The following GPR17 variants were observed in gnomAD, a reference collection of about 807,000 sequenced individuals.
GPR17 encodes G protein-coupled receptor 17.
In GPR17, 4 loss-of-function variants were observed where a neutral mutation model predicts 1.5. The observed-to-expected ratio is 2.73, with a 90% CI of 1.35 to 6.25. The LOEUF (loss-of-function observed/expected upper bound fraction) is 6.25, where lower values mean the gene tolerates loss of function less well. GPR17 is among the 30% of genes most tolerant of loss of function. The pLI is 0.00. For missense variants in GPR17, 463 were observed against 462.1 expected, an observed-to-expected ratio of 1.00 and a Z score of -0.02; for synonymous variants, 209 against 207.6, an observed-to-expected ratio of 1.01 and a Z score of -0.06.
chr2:127,650,037 G>C (rs1405423510), intron 1 of GPR17: 4 of 1,608,960 alleles, frequency 2.5e-6, no homozygotes, highest in Non-Finnish European at 3.4e-6. Context: ...TGGTGGGCTG[G>C]ATCCAGAAAG....
At chr2:127,648,571 G>A (rs375983704) in intron 1 of GPR17, among the ~76,000 whole-genome samples, 8 of 152,228 alleles carry the variant, frequency 5.3e-5, no homozygotes, top group East Asian at 1.9e-4. Context: ...TCTCTGCCCC[G>A]TGCCACCAGC....
chr2:127,647,595 C>T lies in GPR17; in HGVS notation c.-21+1351C>T, dbSNP rs1348133448. Among the ~76,000 whole-genome samples, 2 of 152,086 alleles carry T rather than the reference C, an allele frequency of 1.3e-5. No individual in the cohort carries two copies. The highest frequency in any genetic ancestry group is 6.5e-5 in the Admixed American group (1 of 15,280). On this transcript the variant is annotated intron_variant, in intron 1 of 1. Coordinates refer to ENST00000486700, the MANE Select transcript of GPR17 (RefSeq NM_001161417.2). The surrounding 1 kb of genome is among the most constrained non-coding windows in gnomAD (Gnocchi z 4.3). The stretch of plus-strand genomic sequence containing the variant: ...GAGGGACAGCCTGGGGTGGAGGGCA[C>T]CCACCTTGGCCCCTTCCCACCCCCA...
Position 127,650,499 on chromosome 2 carries a change from C to T in GPR17, c.-20-217C>T. On this transcript the variant is annotated intron_variant, in intron 1 of 1. Coordinates refer to ENST00000486700, the MANE Select transcript of GPR17 (RefSeq NM_001161417.2). ...AGCTGCATAGCGGCGAAATTCCAAG[C>T]CCTGGTTCTGCGTTTGCCTTGTGCT... 4 of 572,906 alleles carry T rather than the reference C, an allele frequency of 7.0e-6. No individual in the cohort carries two copies. The South Asian group carries it at 9.3e-5, about 13-fold the overall frequency. The allele number at this position is 572,906 out of a possible 1,614,324, so 35.5% of individuals were successfully genotyped here.
In GPR17 at chr2:127,651,759, G is replaced by T. The variant is rs745413707; in HGVS notation, c.*4G>T. 6.2e-7 allele frequency: 1 copy of T among 1,610,178 alleles called. No homozygotes were observed. The highest frequency in any genetic ancestry group is 8.5e-7 in the Non-Finnish European group (1 of 1,177,962). On this transcript the variant is annotated 3_prime_UTR_variant, in exon 2 of 2. Transcript: ENST00000486700. ...GAGTGCCAAGTCAGAGCTGTGAGCG[G>T]GGGGCGCCGTCCAGGCCGAGCGCAG... is the stretch of plus-strand genomic sequence containing the variant.
Position 127,650,762 on chromosome 2 carries a change from A to T in GPR17, c.27A>T (p.Pro9=). MNGLEVAP[P]GLITNFSLAT... Reference sequence around the variant, plus strand: ...TGAATGGCCTTGAAGTGGCTCCCCCAGGTCTGATCACCAACTTCTCCCTGG... The same window carrying T: ...TGAATGGCCTTGAAGTGGCTCCCCCTGGTCTGATCACCAACTTCTCCCTGG... Residue 9 remains proline (P), a synonymous_variant, in exon 2 of 2, where the codon CCA becomes CCT. Transcript: ENST00000486700. 1 of 1,613,632 alleles carries T rather than the reference A, an allele frequency of 6.2e-7. No individual in the cohort carries two copies.
At chr2:127,649,885 G>A (rs529443239) in intron 1 of GPR17, 2 of 759,352 alleles carry the variant, frequency 2.6e-6, no homozygotes, top group Admixed American at 2.5e-5. Flanking sequence ...GGGTAAAATG[G>A]GTCTTCCCCT....
In GPR17 at chr2:127,651,802, A is replaced by G. The variant is rs143265344; in HGVS notation, c.*47A>G. 752 of 1,553,572 alleles carry G rather than the reference A, an allele frequency of 4.8e-4. 5 individuals are homozygous for G. The African/African-American group carries it at 7.1e-3, about 15-fold the overall frequency. Reference sequence around the variant, plus strand: ...GAGCGCAGACTGTTTAGGACTCAGCAGACCCAGCAAGAGGCATCTGCCCTT... The same window carrying G: ...GAGCGCAGACTGTTTAGGACTCAGCGGACCCAGCAAGAGGCATCTGCCCTT... On this transcript the variant is annotated 3_prime_UTR_variant, in exon 2 of 2. Transcript: ENST00000486700.
chr2:127,650,170 A>AG, intron 1 of GPR17: 3 of 1,190,206 alleles, frequency 2.5e-6, no homozygotes, highest in Non-Finnish European at 3.6e-6. Context: ...AGCCATGGTC[A>AG]GGGGAAGCAG....
chr2:127,648,439 A>G (rs1447715308), intron 1 of GPR17, among the ~76,000 whole-genome samples: 1 of 152,106 alleles, frequency 6.6e-6, no homozygotes, highest in Admixed American at 6.5e-5. Flanking sequence ...CTCCTGAAGG[A>G]AGGGTGCGGC....
rs1683820292 is a variant in GPR17 at position 127,651,726 on chromosome 2, A to G, written c.991A>G (p.Ser331Gly). 6.2e-7 allele frequency: 1 copy of G among 1,612,716 alleles called. No homozygotes were observed. Among genetic ancestry groups the G allele is most frequent in the Non-Finnish European group, 8.5e-7 (1 of 1,179,924 alleles). Reference sequence around the variant, plus strand: ...CAGCTTCGAAGGGAAAACCAACGAGAGCTCGCTGAGTGCCAAGTCAGAGCT... The same window carrying G: ...CAGCTTCGAAGGGAAAACCAACGAGGGCTCGCTGAGTGCCAAGTCAGAGCT... ...PPSFEGKTNE[S>G]SLSAKSEL Residue 331 changes from serine (S) to glycine (G), a missense_variant, in exon 2 of 2, where the codon AGC (serine) becomes GGC (glycine). Transcript: ENST00000486700.
Position 127,651,762 on chromosome 2 carries a change from G to C in GPR17, c.*7G>C, listed in dbSNP as rs775630529. On this transcript the variant is annotated 3_prime_UTR_variant, in exon 2 of 2. Transcript: ENST00000486700. Reference sequence around the variant, plus strand: ...TGCCAAGTCAGAGCTGTGAGCGGGGGGCGCCGTCCAGGCCGAGCGCAGACT... The same window carrying C: ...TGCCAAGTCAGAGCTGTGAGCGGGGCGCGCCGTCCAGGCCGAGCGCAGACT... 7 of 1,609,756 alleles carry C rather than the reference G, an allele frequency of 4.3e-6. No homozygotes were observed. Among genetic ancestry groups the C allele is most frequent in the Non-Finnish European group, 5.9e-6 (7 of 1,177,662 alleles).
rs555422168 is a variant in GPR17 at position 127,647,450 on chromosome 2, A to G, written c.-21+1206A>G. On this transcript the variant is annotated intron_variant, in intron 1 of 1. Coordinates refer to ENST00000486700, the MANE Select transcript of GPR17 (RefSeq NM_001161417.2). The surrounding 1 kb of genome is among the most constrained non-coding windows in gnomAD (Gnocchi z 4.3). The stretch of plus-strand genomic sequence containing the variant: ...CCCTAACCTGCAACATGGGGCTAAA[A>G]CTGGTTTGAGCCAGCACAGGCAGGC... Among the ~76,000 whole-genome samples the G allele has an allele frequency of 6.6e-6, 1 of 152,202 alleles. No homozygotes were observed. The highest frequency in any genetic ancestry group is 2.1e-4 in the South Asian group (1 of 4,820).
In GPR17 at chr2:127,651,420, C is replaced by G. The variant is rs1683773523; in HGVS notation, c.685C>G (p.Leu229Val). 1.9e-6 allele frequency: 3 copies of G among 1,612,820 alleles called. No homozygotes were observed. Among genetic ancestry groups the G allele is most frequent in the Non-Finnish European group, 2.5e-6 (3 of 1,180,042 alleles). Reference protein sequence around the residue: ...LRQGLRVEKRLKTKAVRMIAI... With the variant: ...LRQGLRVEKRVKTKAVRMIAI... Reference sequence around the variant, plus strand: ...GCAGGGCCTGCGTGTGGAGAAGCGCCTCAAGACCAAGGCAGTGCGCATGAT... The same window carrying G: ...GCAGGGCCTGCGTGTGGAGAAGCGCGTCAAGACCAAGGCAGTGCGCATGAT... The change falls in exon 2 of 2, where the codon CTC (leucine) becomes GTC (valine). Residue 229 changes from leucine (L) to valine (V), a missense_variant. Leu to Val is a conservative substitution (Grantham distance 32, BLOSUM62 1). Coordinates refer to ENST00000486700, the MANE Select transcript of GPR17 (RefSeq NM_001161417.2).
chr2:127,646,187 G>A lies in GPR17; in HGVS notation c.-78G>A, dbSNP rs56045721. ...CCTGCCACCACCGACACCCACGGGC[G>A]GAGATCACCTGCTGCCCCGCAGACC... On this transcript the variant is annotated 5_prime_UTR_variant, in exon 1 of 2. Transcript: ENST00000486700. 5,945 of 152,392 alleles carry A rather than the reference G, an allele frequency of 0.039. 138 individuals are homozygous for A. The highest frequency in any genetic ancestry group is 0.06 in the African/African-American group (2,492 of 41,490). The allele number at this position is 152,392 out of a possible 1,614,324, so 9.4% of individuals were successfully genotyped here. A position where few individuals can be genotyped will look rare whatever the true frequency, so the allele number is the denominator to read the frequency against.
At chr2:127,649,724 C>T (rs991160868) in intron 1 of GPR17, among the ~76,000 whole-genome samples, 1 of 152,212 alleles carries the variant, frequency 6.6e-6, no homozygotes, top group Admixed American at 6.5e-5. Flanking sequence ...CCTATCCAGA[C>T]CCAGGGTTCA....
intron 1 of GPR17, among the ~76,000 whole-genome samples, chr2:127,649,184 G>GAAGGA (rs1164942586): frequency 6.6e-6 from 1 of 151,028 alleles, no homozygotes; most frequent in Admixed American, 6.6e-5. Flanking sequence ...AGGAAGGAAG[G>GAAGGA]AAGGAAGGAA....
Position 127,649,175 on chromosome 2 carries a change from G to GGAAGGAAA in GPR17, c.-20-1534_-20-1533insAGAAGGAA, listed in dbSNP as rs1247295807. Among the ~76,000 whole-genome samples the GGAAGGAAA allele has an allele frequency of 5.2e-4, 58 of 111,678 alleles. 1 individual carries two copies. Among genetic ancestry groups the GGAAGGAAA allele is most frequent in the Middle Eastern group, 4.5e-3 (1 of 224 alleles). 73.3% of individuals were successfully genotyped at this position (111,678 alleles called of 152,430 possible). On this transcript the variant is annotated intron_variant, in intron 1 of 1. Coordinates refer to ENST00000486700, the MANE Select transcript of GPR17 (RefSeq NM_001161417.2). ...AGAGAGAGAGGAAGGTAGGAAGGAA[G>GGAAGGAAA]GAAGGAAGGAAGGAAGGAAGGAAGG...
In GPR17 at chr2:127,650,139, C is replaced by A. The variant is rs113320968; in HGVS notation, c.-20-577C>A. On this transcript the variant is annotated intron_variant, in intron 1 of 1. Transcript: ENST00000486700. The stretch of plus-strand genomic sequence containing the variant: ...AGCCCTTGCTGCCATCCTGGGGGCA[C>A]CCTCCTAAGTGCCAGGGGCAAGCCA... The A allele has an allele frequency of 6.2e-6, 9 of 1,442,450 alleles. No individual in the cohort carries two copies. In the African/African-American group the frequency reaches 8.4e-5, roughly 14 times the overall value. The allele number at this position is 1,442,450 out of a possible 1,614,324, so 89.4% of individuals were successfully genotyped here. A position where few individuals can be genotyped will look rare whatever the true frequency, so the allele number is the denominator to read the frequency against.
chr2:127,650,910 G>C lies in GPR17; in HGVS notation c.175G>C (p.Asp59His), dbSNP rs758809676. ...NTLALWLFIR[D>H]HKSGTPANVF... Reference sequence around the variant, plus strand: ...CCTGGCTCTGTGGCTTTTCATCCGAGACCACAAGTCCGGGACCCCGGCCAA... The same window carrying C: ...CCTGGCTCTGTGGCTTTTCATCCGACACCACAAGTCCGGGACCCCGGCCAA... Residue 59 changes from aspartate to histidine, a missense_variant, in exon 2 of 2, where the codon GAC (aspartate) becomes CAC (histidine). Transcript: ENST00000486700. The C allele has an allele frequency of 5.6e-6, 9 of 1,613,940 alleles. No homozygotes were observed. In the African/African-American group the frequency reaches 1.1e-4, roughly 19 times the overall value.
Sources: allele counts gnomAD v4.1 joint callset (sites outside exome capture counted in the v4.1 genomes callset), GRCh38; gene constraint gnomAD v4.1.1; non-coding constraint Gnocchi (gnomAD v3.1); transcripts MANE v1.5; gene names NCBI Gene and HGNC (gene_info 2026-07-23, HGNC 2026-07-21).